The following NTSR1 variants were observed in gnomAD, a reference collection of about 807,000 sequenced individuals.
NTSR1 encodes neurotensin receptor 1.
A neutral mutation model predicts 31.2 loss-of-function variants in NTSR1; 29 were observed. The observed-to-expected ratio is 0.93, with a 90% confidence interval of 0.69 to 1.27. The LOEUF (loss-of-function observed/expected upper bound fraction) is 1.27, where lower values mean the gene tolerates loss of function less well. Among genes scored for constraint, NTSR1 ranks in the 50% most tolerant of loss-of-function variants. NTSR1 has a pLI of 0.00. For missense variants in NTSR1, 697 were observed against 595.4 expected (o/e 1.17, Z -1.78); for synonymous variants, 282 against 269.9 (o/e 1.04, Z -0.44).
intron 1 of NTSR1, among the ~76,000 whole-genome samples, chr20:62,735,596 CAG>C (rs1441847451): frequency 6.6e-6 from 1 of 152,194 alleles, no homozygotes; most frequent in Non-Finnish European, 1.5e-5. Context: ...GGGGATGATT[CAG>C]AGAGAGGCGT....
chr20:62,734,060 C>G (rs73918652), intron 1 of NTSR1, among the ~76,000 whole-genome samples: 2 of 152,204 alleles, frequency 1.3e-5, no homozygotes, highest in East Asian at 3.9e-4. Flanking sequence ...CAGATGCACA[C>G]GGCTGGGGCC....
At position 62,745,658 on chromosome 20, in the gene NTSR1, C is replaced by T. The variant is rs1051885384; in HGVS notation, c.715-9027C>T. Among the ~76,000 whole-genome samples, 2 of 152,148 alleles carry T rather than the reference C, an allele frequency of 1.3e-5. No individual in the cohort carries two copies. Among genetic ancestry groups the T allele is most frequent in the Non-Finnish European group, 2.9e-5 (2 of 68,022 alleles). ...ACAGAGACATCACAGGAGAAAGATA[C>T]AAAGACAGACAGAGACACATATTCT... On this transcript the variant is annotated intron_variant, in intron 1 of 3. Transcript: ENST00000370501. The surrounding 1 kb of genome is among the most constrained non-coding windows in gnomAD (Gnocchi z 4.1).
At position 62,710,421 on chromosome 20, in the gene NTSR1, A is replaced by G. The variant is rs1051117713; in HGVS notation, c.714+500A>G. On this transcript the variant is annotated intron_variant, in intron 1 of 3. Coordinates refer to ENST00000370501, the MANE Select transcript of NTSR1 (RefSeq NM_002531.3). ...TTCCTAGTTTAGCCTCAGCTTTCCC[A>G]TCTGTGTGATGGGGTAGTGATAGCA... Among the ~76,000 whole-genome samples the G allele has an allele frequency of 2.6e-5, 4 of 152,212 alleles. No homozygotes were observed. In the East Asian group the frequency reaches 7.7e-4, roughly 29 times the overall value.
At position 62,760,107 on chromosome 20, in the gene NTSR1, T is replaced by G. The variant is rs1391299893; in HGVS notation, c.1097T>G (p.Leu366Arg). The G allele has an allele frequency of 1.4e-5, 23 of 1,614,100 alleles. No homozygotes were observed. The highest frequency in any genetic ancestry group is 1.9e-5 in the Non-Finnish European group (22 of 1,180,014). The change falls in exon 4 of 4, where the codon CTC becomes CGC. Residue 366 changes from leucine (L) to arginine (R), a missense_variant. By Grantham distance (102) the Leu-to-Arg change is moderately radical (BLOSUM62 -2). Coordinates refer to ENST00000370501, the MANE Select transcript of NTSR1 (RefSeq NM_002531.3). ...SSTINPILYN[L>R]VSANFRHIFL... ...ACCATCAACCCCATCCTGTACAACC[T>G]CGTCTCTGCCAACTTCCGCCACATC...
rs1989264949 is a variant in NTSR1, at chr20:62,744,634, G to A, written c.715-10051G>A. On this transcript the variant is annotated intron_variant, in intron 1 of 3. Transcript: ENST00000370501. The surrounding 1 kb of genome is among the most constrained non-coding windows in gnomAD (Gnocchi z 4.1). ...CCAGCTACTCAGGAAGGCTGAGGCAGGAGAATCACTTGAACCTGGGAGACG... is the reference window on the plus strand; with the variant it reads ...CCAGCTACTCAGGAAGGCTGAGGCAAGAGAATCACTTGAACCTGGGAGACG... Among the ~76,000 whole-genome samples the A allele has an allele frequency of 6.6e-6, 1 of 152,088 alleles. No homozygotes were observed. The highest frequency in any genetic ancestry group is 2.1e-4 in the South Asian group (1 of 4,820).
chr20:62,759,900 G>A (rs575309847), intron 3 of NTSR1, 118 bp from the exon 4 acceptor site: 18 of 916,240 alleles, frequency 2.0e-5, no homozygotes, highest in South Asian at 1.4e-4. Flanking sequence ...TTCTCAAGGG[G>A]TGTTTTAATT....
intron 3 of NTSR1, among the ~76,000 whole-genome samples, chr20:62,759,673 G>A (rs1434390589): frequency 2.0e-5 from 3 of 151,960 alleles, no homozygotes; most frequent in Non-Finnish European, 4.4e-5. Flanking sequence ...TACTCGGGAG[G>A]CTGAGGCAGG....
At chr20:62,747,918 G>A (rs1172795656) in intron 1 of NTSR1, among the ~76,000 whole-genome samples, 1 of 152,236 alleles carries the variant, frequency 6.6e-6, no homozygotes, top group Non-Finnish European at 1.5e-5. Flanking sequence ...GCTGACACCT[G>A]TAATCCCAGC....
chr20:62,746,656 G>A (rs145026863), intron 1 of NTSR1, among the ~76,000 whole-genome samples: 1 of 152,292 alleles, frequency 6.6e-6, no homozygotes, highest in East Asian at 1.9e-4. Context: ...CAAACCAGCT[G>A]GACAGCCTGG....
At chr20:62,721,153 T>C (rs1417544549) in intron 1 of NTSR1, among the ~76,000 whole-genome samples, 1 of 152,214 alleles carries the variant, frequency 6.6e-6, no homozygotes, top group Admixed American at 6.5e-5. Flanking sequence ...GATAGTGTTA[T>C]AGTATTTAAT....
At position 62,732,120 on chromosome 20, in the gene NTSR1, A is replaced by T. The variant is rs1600725383; in HGVS notation, c.714+22199A>T. On this transcript the variant is annotated intron_variant, in intron 1 of 3. Transcript: ENST00000370501. The surrounding 1 kb of genome is among the most constrained non-coding windows in gnomAD (Gnocchi z 4.0). ...GGGCGACAGAGTGAGACTCCATTTCAAAAAAAAAAAAAAAATTACACTGTA... is the reference window on the plus strand; with the variant it reads ...GGGCGACAGAGTGAGACTCCATTTCTAAAAAAAAAAAAAAATTACACTGTA... 1.3e-3 allele frequency among the ~76,000 whole-genome samples: 2 copies of T among 1,574 alleles called. No homozygotes were observed. Among genetic ancestry groups the T allele is most frequent in the Non-Finnish European group, 6.7e-3 (2 of 300 alleles). The allele number at this position is 1,574 out of a possible 152,430, so 1.0% of individuals were successfully genotyped here. A position where few individuals can be genotyped will look rare whatever the true frequency, so the allele number is the denominator to read the frequency against.
intron 1 of NTSR1, among the ~76,000 whole-genome samples, chr20:62,748,039 G>A (rs919291549): frequency 6.6e-6 from 1 of 152,120 alleles, no homozygotes; most frequent in African/African-American, 2.4e-5. Flanking sequence ...GCTGGGCGTG[G>A]TGGTGTGTGC....
intron 1 of NTSR1, among the ~76,000 whole-genome samples, chr20:62,735,878 C>A (rs1350745405): frequency 6.6e-6 from 1 of 152,210 alleles, no homozygotes; most frequent in African/African-American, 2.4e-5. Flanking sequence ...ACAGGAGTTG[C>A]CAAGAACAGT....
At chr20:62,710,427 G>T (rs1474531733) in intron 1 of NTSR1, among the ~76,000 whole-genome samples, 1 of 152,206 alleles carries the variant, frequency 6.6e-6, no homozygotes, top group Non-Finnish European at 1.5e-5. Flanking sequence ...TCCCATCTGT[G>T]TGATGGGGTA....
intron 1 of NTSR1, among the ~76,000 whole-genome samples, chr20:62,724,778 T>C (rs1988877938): frequency 6.6e-6 from 1 of 152,164 alleles, no homozygotes; most frequent in Non-Finnish European, 1.5e-5. Flanking sequence ...CCGCGGAGGC[T>C]CTAGGGAAGG....
chr20:62,753,384 A>T (rs959391120), intron 1 of NTSR1, among the ~76,000 whole-genome samples: 9 of 152,184 alleles, frequency 5.9e-5, no homozygotes, highest in Non-Finnish European at 1.2e-4. Flanking sequence ...TGTTGAGGCC[A>T]TGTGGCTCTG....
At chr20:62,753,521 G>A (rs1247317114) in intron 1 of NTSR1, among the ~76,000 whole-genome samples, 3 of 152,188 alleles carry the variant, frequency 2.0e-5, no homozygotes, top group South Asian at 2.1e-4. Context: ...AGTACAGGCC[G>A]CTTCTCCAAG....
chr20:62,717,093 C>T (rs1370673236), intron 1 of NTSR1, among the ~76,000 whole-genome samples: 3 of 152,232 alleles, frequency 2.0e-5, no homozygotes, highest in Non-Finnish European at 2.9e-5. Flanking sequence ...CGGGGCAAGG[C>T]GCCTGCCCCA....
Position 62,745,855 on chromosome 20 carries a change from C to G in NTSR1, c.715-8830C>G, listed in dbSNP as rs1343112710. 6.6e-6 allele frequency among the ~76,000 whole-genome samples: 1 copy of G among 152,194 alleles called. No individual in the cohort carries two copies. The highest frequency in any genetic ancestry group is 2.1e-4 in the South Asian group (1 of 4,832). The stretch of plus-strand genomic sequence containing the variant: ...TCTGGGAGTCCCAGCCACCACGCGT[C>G]CCCCAGAATATTCATGGGGCTGGGC... On this transcript the variant is annotated intron_variant, in intron 1 of 3. Coordinates refer to ENST00000370501, the MANE Select transcript of NTSR1 (RefSeq NM_002531.3). The surrounding 1 kb of genome is among the most constrained non-coding windows in gnomAD (Gnocchi z 4.1).
Sources: allele counts gnomAD v4.1 joint callset (sites outside exome capture counted in the v4.1 genomes callset), GRCh38; gene constraint gnomAD v4.1.1; non-coding constraint Gnocchi (gnomAD v3.1); transcripts MANE v1.5; gene names NCBI Gene and HGNC (gene_info 2026-07-23, HGNC 2026-07-21).